SLFN5: variants seen among roughly 807,000 people sequenced by gnomAD.
The protein encoded by SLFN5 is schlafen family member 5.
A neutral mutation model predicts 48.5 loss-of-function variants in SLFN5; 34 were observed. That is an observed-to-expected ratio of 0.70 (90% confidence interval 0.53 to 0.93). SLFN5 has a LOEUF of 0.93. Ranked by LOEUF, SLFN5 falls within the 40% of genes least tolerant of loss-of-function variation. The pLI is 0.00. For missense variants in SLFN5, 1,006 were observed against 1,071.3 expected (o/e 0.94, Z 0.85); for synonymous variants, 387 against 396.2 (o/e 0.98, Z 0.28).
intron 3 of SLFN5, among the ~76,000 whole-genome samples, chr17:35,262,328 C>T (rs778581058): frequency 1.7e-4 from 24 of 141,940 alleles, no homozygotes; most frequent in Non-Finnish European, 2.0e-4. Flanking sequence ...TGCAGTGAGC[C>T]AAGATGGCAC....
At chr17:35,254,938 A>T (rs1438116687) in intron 1 of SLFN5, among the ~76,000 whole-genome samples, 1 of 152,132 alleles carries the variant, frequency 6.6e-6, no homozygotes, top group Non-Finnish European at 1.5e-5. Flanking sequence ...AATCACTTGA[A>T]CCCAGGAGGC....
rs1224198213 is a variant in SLFN5 at position 35,272,448 on chromosome 17, TGAA to T, written c.*6568_*6570del. The T allele has an allele frequency of 3.9e-5, 6 of 152,056 alleles. No homozygotes were observed. The highest frequency in any genetic ancestry group is 1.2e-4 in the African/African-American group (5 of 41,468). The allele number at this position is 152,056 out of a possible 1,614,324, so 9.4% of individuals were successfully genotyped here. On this transcript the variant is annotated 3_prime_UTR_variant, in exon 5 of 5. Transcript: ENST00000299977. ...AAAAATATGGAATCATGGAAGTGCA[TGAA>T]GAAGAAGTAGCACTTAAAAAAATAA...
chr17:35,254,252 C>T lies in SLFN5; in HGVS notation c.-40-4399C>T, dbSNP rs533890090. Among the ~76,000 whole-genome samples, 144 of 152,198 alleles carry T rather than the reference C, an allele frequency of 9.5e-4. 3 individuals are homozygous for T. In the South Asian group the frequency reaches 0.028, roughly 30 times the overall value. On this transcript the variant is annotated intron_variant, in intron 1 of 4. Transcript: ENST00000299977. ...TATGACCAATTCATCCCCTACTCTC[C>T]ACCCTCTCAGTTTACTAAGTGATCT...
rs1370715693 is a variant in SLFN5 at position 35,259,603 on chromosome 17, G to T, written c.913G>T (p.Val305Leu). The part of the protein sequence containing the change: ...AIKVEKFCCA[V>L]FAKVPSSWQV... ...CAAGGTGGAGAAATTCTGCTGTGCG[G>T]TGTTTGCCAAAGTGCCTAGTTCCTG... Residue 305 changes from valine (V) to leucine (L), a missense_variant, in exon 2 of 5, where the codon GTG becomes TTG. Coordinates refer to ENST00000299977, the MANE Select transcript of SLFN5 (RefSeq NM_144975.4). The T allele has an allele frequency of 6.2e-7, 1 of 1,610,526 alleles. No homozygotes were observed. The highest frequency in any genetic ancestry group is 8.5e-7 in the Non-Finnish European group (1 of 1,179,984).
intron 1 of SLFN5, among the ~76,000 whole-genome samples, chr17:35,251,401 TTTTG>T (rs1176872634): frequency 6.6e-6 from 1 of 152,188 alleles, no homozygotes; most frequent in Non-Finnish European, 1.5e-5. Flanking sequence ...TGGGGTTTTT[TTTTG>T]TTTGTTTTTT....
intron 1 of SLFN5, among the ~76,000 whole-genome samples, chr17:35,248,204 T>A (rs11080328): frequency 6.6e-6 from 1 of 152,102 alleles, no homozygotes. Flanking sequence ...GGGCCTTTAC[T>A]GGCTATTTTG....
rs73278963 is a variant in SLFN5, at chr17:35,258,866, A to G, written c.176A>G (p.Lys59Arg). 2.2e-3 allele frequency: 3,500 copies of G among 1,614,198 alleles called. 61 individuals are homozygous for G. The African/African-American group carries it at 0.04, about 18-fold the overall frequency. Residue 59 changes from lysine to arginine, a missense_variant, in exon 2 of 5, where the codon AAG becomes AGG. Lys to Arg is a conservative substitution (Grantham distance 26, BLOSUM62 2). Coordinates refer to ENST00000299977, the MANE Select transcript of SLFN5 (RefSeq NM_144975.4). ...ALLNSGGGII[K>R]AEIENKGYNY... Reference sequence around the variant, plus strand: ...CTGAATTCTGGTGGGGGCATAATCAAGGCTGAGATTGAGAACAAAGGCTAC... The same window carrying G: ...CTGAATTCTGGTGGGGGCATAATCAGGGCTGAGATTGAGAACAAAGGCTAC...
rs117695297 is a variant in SLFN5, at chr17:35,265,175, C to T, written c.1963C>T (p.Arg655Cys). The change falls in exon 5 of 5, where the codon CGT (arginine) becomes TGT (cysteine). Residue 655 changes from arginine (R) to cysteine (C), a missense_variant. By Grantham distance (180) the Arg-to-Cys change is radical. Transcript: ENST00000299977. The stretch of plus-strand genomic sequence containing the variant: ...TATCATTGATGACGCTCAGAATTTC[C>T]GTACTGAAGATGGGGACTGGTATGG... ...HIIIDDAQNF[R>C]TEDGDWYGKA... is the part of the protein sequence containing the mutation. 45 of 1,614,040 alleles carry T rather than the reference C, an allele frequency of 2.8e-5. No homozygotes were observed. The highest frequency in any genetic ancestry group is 4.5e-5 in the East Asian group (2 of 44,900).
chr17:35,256,502 T>C (rs1904346710), intron 1 of SLFN5, among the ~76,000 whole-genome samples: 1 of 152,208 alleles, frequency 6.6e-6, no homozygotes, highest in Admixed American at 6.5e-5. Context: ...CTCTCCAGGA[T>C]ATCTGCTTTT....
At position 35,271,015 on chromosome 17, in the gene SLFN5, G is replaced by T. The variant is rs186133916; in HGVS notation, c.*5127G>T. 68 of 152,278 alleles carry T rather than the reference G, an allele frequency of 4.5e-4. No homozygotes were observed. The highest frequency in any genetic ancestry group is 1.5e-3 in the African/African-American group (64 of 41,554). 9.4% of individuals were successfully genotyped at this position (152,278 alleles called of 1,614,324 possible). On this transcript the variant is annotated 3_prime_UTR_variant, in exon 5 of 5. Transcript: ENST00000299977. The stretch of plus-strand genomic sequence containing the variant: ...GTTTGGAAAATCTACAAAAAGAAGT[G>T]TGAATTTGACAATAACTATTTCACT...
Position 35,266,807 on chromosome 17 carries a change from A to G in SLFN5, c.*919A>G, listed in dbSNP as rs1051367564. 1.3e-5 allele frequency: 2 copies of G among 152,240 alleles called. No homozygotes were observed. Among genetic ancestry groups the G allele is most frequent in the Non-Finnish European group, 2.9e-5 (2 of 68,044 alleles). The allele number at this position is 152,240 out of a possible 1,614,324, so 9.4% of individuals were successfully genotyped here. A position where few individuals can be genotyped will look rare whatever the true frequency, so the allele number is the denominator to read the frequency against. ...AATATCTTTCTTCTGCTGAGTCTTC[A>G]GGATGTTAGCTAGTCTTTCAAAAGC... On this transcript the variant is annotated 3_prime_UTR_variant, in exon 5 of 5. Transcript: ENST00000299977.
Position 35,273,095 on chromosome 17 carries a change from A to G in SLFN5, c.*7207A>G, listed in dbSNP as rs1904873632. The G allele has an allele frequency of 6.6e-6, 1 of 152,348 alleles. No individual in the cohort carries two copies. The highest frequency in any genetic ancestry group is 2.1e-4 in the South Asian group (1 of 4,824). The allele number at this position is 152,348 out of a possible 1,614,324, so 9.4% of individuals were successfully genotyped here. On this transcript the variant is annotated 3_prime_UTR_variant, in exon 5 of 5. Coordinates refer to ENST00000299977, the MANE Select transcript of SLFN5 (RefSeq NM_144975.4). ...AGGGTCTAATGGATTAGTTTTTGGC[A>G]TATCAGCACATGATAATACTATGAA... is the stretch of plus-strand genomic sequence containing the variant.
intron 1 of SLFN5, among the ~76,000 whole-genome samples, chr17:35,245,828 T>C (rs1597643001): frequency 3.0e-5 from 1 of 33,372 alleles, no homozygotes; most frequent in Non-Finnish European, 1.4e-4. Flanking sequence ...GGACATATGC[T>C]TTTTTTTTTT....
intron 1 of SLFN5, among the ~76,000 whole-genome samples, chr17:35,250,658 C>CG (rs2092440354): frequency 1.5e-5 from 2 of 134,192 alleles, no homozygotes; most frequent in African/African-American, 5.6e-5. Context: ...AGACTCATCT[C>CG]AAAAAAAAAA....
chr17:35,258,369 C>T (rs1184181957), intron 1 of SLFN5, among the ~76,000 whole-genome samples: 1 of 152,118 alleles, frequency 6.6e-6, no homozygotes, highest in Non-Finnish European at 1.5e-5. Context: ...AAAGGGGAAA[C>T]CCTTTATGAA....
rs1282928289 is a variant in SLFN5, at chr17:35,259,117, A to G, written c.427A>G (p.Thr143Ala). The G allele has an allele frequency of 1.2e-6, 2 of 1,614,034 alleles. No homozygotes were observed. Among genetic ancestry groups the G allele is most frequent in the Non-Finnish European group, 1.7e-6 (2 of 1,180,038 alleles). ...ALAFLKCRTQ[T>A]PTNINVSNSL... ...GGCATTCCTCAAATGCAGGACTCAGACTCCAACGAATATTAATGTTTCCAA... is the reference window on the plus strand; with the variant it reads ...GGCATTCCTCAAATGCAGGACTCAGGCTCCAACGAATATTAATGTTTCCAA... The change falls in exon 2 of 5, where the codon ACT becomes GCT. Residue 143 changes from threonine to alanine, a missense_variant. By Grantham distance (58) the Thr-to-Ala change is moderately conservative. Coordinates refer to ENST00000299977, the MANE Select transcript of SLFN5 (RefSeq NM_144975.4).
chr17:35,252,534 G>A (rs34689377), intron 1 of SLFN5, among the ~76,000 whole-genome samples: 1 of 152,144 alleles, frequency 6.6e-6, no homozygotes, highest in East Asian at 1.9e-4. Flanking sequence ...TTCCTCTATA[G>A]ATAATGTGCC....
Position 35,261,009 on chromosome 17 carries a change from T to C in SLFN5, c.1051T>C (p.Leu351=), listed in dbSNP as rs1171813901. Residue 351 remains leucine, a synonymous_variant, in exon 3 of 5, where the codon TTG becomes CTG. Transcript: ENST00000299977. ...TCCTGAGATGGTTCTCCAGTTGAGTTTGTCATCTGCCACGCCCCGCAGCAA... is the reference window on the plus strand; with the variant it reads ...TCCTGAGATGGTTCTCCAGTTGAGTCTGTCATCTGCCACGCCCCGCAGCAA... ...RCPEMVLQLS[L]SSATPRSKPV... 1 of 1,614,004 alleles carries C rather than the reference T, an allele frequency of 6.2e-7. No individual in the cohort carries two copies. Among genetic ancestry groups the C allele is most frequent in the Non-Finnish European group, 8.5e-7 (1 of 1,179,908 alleles).
At chr17:35,258,435 G>T (rs1385489447) in intron 1 of SLFN5, among the ~76,000 whole-genome samples, 2 of 152,064 alleles carry the variant, frequency 1.3e-5, no homozygotes, top group Non-Finnish European at 2.9e-5. Flanking sequence ...GGGGGAAACT[G>T]CCCCCCATGA....
Sources: gnomAD v4.1 joint callset for allele counts (sites outside exome capture counted in the v4.1 genomes callset) on GRCh38, gnomAD v4.1.1 for gene constraint, MANE v1.5 for transcripts, NCBI Gene and HGNC (gene_info 2026-07-23, HGNC 2026-07-21) for gene names.